MBD5: variants seen among roughly 807,000 people sequenced by gnomAD.
The protein encoded by MBD5 is methyl-CpG-binding domain protein 5.
Under a neutral mutation model 117.3 loss-of-function variants are expected in MBD5, and 13 were observed. The observed-to-expected ratio is 0.11, with a 90% CI of 0.07 to 0.18. MBD5 has a LOEUF of 0.18. Among genes scored for constraint, MBD5 ranks in the 10% least tolerant of loss-of-function variants. The pLI is 1.00. For missense variants in MBD5, 1,879 were observed against 2,093.8 expected (o/e 0.90, Z 2.00); for synonymous variants, 727 against 766.4 (o/e 0.95, Z 0.85).
intron 1 of MBD5, among the ~76,000 whole-genome samples, chr2:148,162,095 C>A (rs972707931): frequency 1.3e-5 from 2 of 152,224 alleles, no homozygotes; most frequent in African/African-American, 4.8e-5. Context: ...GTAGAAGCCA[C>A]TAGGGGAAGA....
At chr2:148,051,565 CTG>C (rs1243244112) in intron 1 of MBD5, among the ~76,000 whole-genome samples, 1 of 149,594 alleles carries the variant, frequency 6.7e-6, no homozygotes, top group Non-Finnish European at 1.5e-5. Flanking sequence ...CACAGATGTT[CTG>C]TCAGGCTGAG....
At chr2:148,488,660 G>T (rs1681415184) in intron 10 of MBD5, among the ~76,000 whole-genome samples, 1 of 112,874 alleles carries the variant, frequency 8.9e-6, no homozygotes. Context: ...CGGGGGTGGG[G>T]GGTGGGGGGT....
At chr2:148,203,115 A>C (rs1699184224) in intron 2 of MBD5, among the ~76,000 whole-genome samples, 1 of 152,024 alleles carries the variant, frequency 6.6e-6, no homozygotes, top group African/African-American at 2.4e-5. Context: ...AAAAAAAAAA[A>C]AAAAAAGCTG....
At chr2:148,368,662 GATAA>G (rs1703771086) in intron 4 of MBD5, among the ~76,000 whole-genome samples, 1 of 151,922 alleles carries the variant, frequency 6.6e-6, no homozygotes, top group Admixed American at 6.6e-5. Context: ...TGAGCATTAA[GATAA>G]ATAATGATAA....
At chr2:148,137,393 C>T (rs1235185500) in intron 1 of MBD5, among the ~76,000 whole-genome samples, 1 of 152,228 alleles carries the variant, frequency 6.6e-6, no homozygotes, top group African/African-American at 2.4e-5. Context: ...CTTTGCACTG[C>T]ACCACCTCTG....
Position 148,145,598 on chromosome 2 carries a change from C to T in MBD5, c.-924-33102C>T, listed in dbSNP as rs549593585. On this transcript the variant is annotated intron_variant, in intron 1 of 13. Transcript: ENST00000642680. ...TTGGCTGTGGGTTTGTCATAAATAG[C>T]TCTTATTATTTTGAGATACATCCCA... Among the ~76,000 whole-genome samples the T allele has an allele frequency of 2.0e-5, 3 of 152,194 alleles. No homozygotes were observed. The East Asian group carries it at 5.8e-4, about 29-fold the overall frequency.
intron 4 of MBD5, among the ~76,000 whole-genome samples, chr2:148,358,477 T>A (rs1243920130): frequency 6.6e-6 from 1 of 152,084 alleles, no homozygotes; most frequent in Non-Finnish European, 1.5e-5. Flanking sequence ...TTTCTCCTAT[T>A]ATAAAGCAAA....
At chr2:148,053,445 A>G (rs1291774877) in intron 1 of MBD5, among the ~76,000 whole-genome samples, 1 of 152,104 alleles carries the variant, frequency 6.6e-6, no homozygotes, top group African/African-American at 2.4e-5. Context: ...TACCATAATA[A>G]TGAGAATATA....
chr2:148,421,530 G>GTT lies in MBD5; in HGVS notation c.-556-36661_-556-36660dup, dbSNP rs113269765. Among the ~76,000 whole-genome samples, 724 of 147,582 alleles carry GTT rather than the reference G, an allele frequency of 4.9e-3. 2 individuals are homozygous for GTT. The highest frequency in any genetic ancestry group is 8.3e-3 in the Non-Finnish European group (552 of 66,564). Reference sequence around the variant, plus strand: ...GGCAGACACGAAGCTAGCTGCAGAAGTTTTTTTTTTTTTCATACCCAGTGG... The same window carrying GTT: ...GGCAGACACGAAGCTAGCTGCAGAAGTTTTTTTTTTTTTTTCATACCCAGTGG... On this transcript the variant is annotated intron_variant, in intron 4 of 13. Transcript: ENST00000642680.
intron 1 of MBD5, among the ~76,000 whole-genome samples, chr2:148,166,605 GTTC>G (rs1480489031): frequency 6.6e-6 from 1 of 152,242 alleles, no homozygotes; most frequent in East Asian, 1.9e-4. Flanking sequence ...GGATACTGCT[GTTC>G]TTCTGTGTAT....
upstream of MBD5, chr2:148,021,003 C>T (rs1307692777): frequency 1.3e-5 from 2 of 152,732 alleles, no homozygotes; most frequent in African/African-American, 2.4e-5. Flanking sequence ...CCCCCTCCTC[C>T]TGCCTTCAAC....
intron 3 of MBD5, chr2:148,243,958 T>C (rs1243599357): frequency 6.6e-6 from 1 of 151,666 alleles, no homozygotes; most frequent in Admixed American, 6.6e-5. Context: ...GAATTACAAG[T>C]GATCTTTAAG....
Position 148,509,882 on chromosome 2 carries a change from T to A in MBD5, c.5037-178T>A. Among the ~76,000 whole-genome samples, 2 of 152,244 alleles carry A rather than the reference T, an allele frequency of 1.3e-5. 1 individual carries two copies. Among genetic ancestry groups the A allele is most frequent in the East Asian group, 3.8e-4 (2 of 5,204 alleles). ...TTTTTTAGTAGTTCTGTGACTTTAA[T>A]CATTAGTATTCAGTGATAAGAATCC... On this transcript the variant is annotated intron_variant, in intron 12 of 13. Transcript: ENST00000642680.
chr2:148,361,213 G>T (rs1321210229), intron 4 of MBD5, among the ~76,000 whole-genome samples: 2 of 152,178 alleles, frequency 1.3e-5, no homozygotes, highest in Non-Finnish European at 2.9e-5. Context: ...AGCCAGGTGA[G>T]GTGGCACATG....
At chr2:148,501,191 T>C (rs946235513) in intron 11 of MBD5, among the ~76,000 whole-genome samples, 4 of 152,362 alleles carry the variant, frequency 2.6e-5, no homozygotes, top group African/African-American at 9.6e-5. Context: ...GAAAACTTCT[T>C]GTTAATCATA....
chr2:148,084,846 T>TATATATTTATAAAATAAAATA (rs1695738173), intron 1 of MBD5, among the ~76,000 whole-genome samples: 1 of 152,216 alleles, frequency 6.6e-6, no homozygotes, highest in South Asian at 2.1e-4. Context: ...ATCCACTCCC[T>TATATATTTATAAAATAAAATA]AACTCTGTAC....
chr2:148,418,875 T>G (rs541937850), intron 4 of MBD5, among the ~76,000 whole-genome samples: 4 of 151,962 alleles, frequency 2.6e-5, no homozygotes, highest in Non-Finnish European at 5.9e-5. Flanking sequence ...AAAAAAAAAT[T>G]CTGAAATTCA....
At chr2:148,491,560 G>A (rs1215915651) in intron 11 of MBD5, among the ~76,000 whole-genome samples, 1 of 151,928 alleles carries the variant, frequency 6.6e-6, no homozygotes, top group East Asian at 1.9e-4. Flanking sequence ...CTGGCACTTA[G>A]GTTTAATGAC....
At chr2:148,486,522 G>A (rs1321448947) in intron 10 of MBD5, among the ~76,000 whole-genome samples, 1 of 152,118 alleles carries the variant, frequency 6.6e-6, no homozygotes, top group Non-Finnish European at 1.5e-5. Flanking sequence ...TAAAATCTCT[G>A]TATGATCAAG....
Sources: gnomAD v4.1 joint callset for allele counts (sites outside exome capture counted in the v4.1 genomes callset) on GRCh38, gnomAD v4.1.1 for gene constraint, MANE v1.5 for transcripts, NCBI Gene and HGNC (gene_info 2026-07-23, HGNC 2026-07-21) for gene names.